The following MTUS2 variants were observed in gnomAD, a reference collection of about 807,000 sequenced individuals.
MTUS2 encodes the protein microtubule associated scaffold protein 2.
MTUS2 carries 40 observed loss-of-function variants against 114.1 expected under a neutral mutation model. The ratio of observed to expected loss-of-function variants is 0.35; its 90% CI spans 0.27 to 0.46. The LOEUF (loss-of-function observed/expected upper bound fraction) is 0.46, where lower values mean the gene tolerates loss of function less well. Ranked by LOEUF, MTUS2 falls within the 20% of genes least tolerant of loss-of-function variation. MTUS2 has a pLI of 1.00. For synonymous variants in MTUS2, 688 were observed against 672.0 expected (o/e 1.02, Z -0.37); for missense variants, 1,679 against 1,705.4 (o/e 0.98, Z 0.27).
intron 2 of MTUS2, among the ~76,000 whole-genome samples, chr13:28,944,236 A>G (rs1325957858): frequency 6.6e-6 from 1 of 152,106 alleles, no homozygotes; most frequent in African/African-American, 2.4e-5. Flanking sequence ...CATTTGAATT[A>G]TTGCTTTCTA....
chr13:29,155,839 T>G lies in MTUS2; in HGVS notation c.2644+54869T>G, dbSNP rs145068692. On this transcript the variant is annotated intron_variant, in intron 5 of 15. Transcript: ENST00000612955. ...ATACACACATGTCTCTGATTGTTAA[T>G]TATAATATCATTAACTTCTGCTTGT... Among the ~76,000 whole-genome samples the G allele has an allele frequency of 5.6e-3, 846 of 152,254 alleles. 13 individuals carry two copies. The highest frequency in any genetic ancestry group is 0.019 in the African/African-American group (806 of 41,556).
chr13:29,445,289 G>A (rs1165395729), intron 9 of MTUS2, among the ~76,000 whole-genome samples: 1 of 152,150 alleles, frequency 6.6e-6, no homozygotes. Flanking sequence ...TCAGCTGAGT[G>A]TCCAGTGATT....
chr13:29,367,315 G>A (rs1181787505), intron 8 of MTUS2, among the ~76,000 whole-genome samples: 1 of 152,116 alleles, frequency 6.6e-6, no homozygotes, highest in Non-Finnish European at 1.5e-5. Context: ...TGCAGTGTGG[G>A]GAGAGGGCAG....
At chr13:28,823,414 C>A (rs1048108719) in intron 1 of MTUS2, among the ~76,000 whole-genome samples, 3 of 152,200 alleles carry the variant, frequency 2.0e-5, no homozygotes, top group African/African-American at 7.2e-5. Flanking sequence ...CCCCTTTTCT[C>A]TGAAATGATT....
At chr13:29,035,077 G>T (rs1347308918) in intron 4 of MTUS2, among the ~76,000 whole-genome samples, 3 of 151,872 alleles carry the variant, frequency 2.0e-5, no homozygotes, top group Non-Finnish European at 4.4e-5. Flanking sequence ...ATTCTTCTGA[G>T]GCTGGCTCAT....
chr13:29,341,183 A>G (rs1901376030), intron 7 of MTUS2, among the ~76,000 whole-genome samples: 1 of 152,184 alleles, frequency 6.6e-6, no homozygotes, highest in South Asian at 2.1e-4. Flanking sequence ...GGATTGCTGG[A>G]TTAAATGGTA....
In MTUS2 at chr13:28,861,595, A is replaced by G. The variant is rs551314239; in HGVS notation, c.-243+21745A>G. Among the ~76,000 whole-genome samples, 4 of 152,276 alleles carry G rather than the reference A, an allele frequency of 2.6e-5. No individual in the cohort carries two copies. In the South Asian group the frequency reaches 8.3e-4, roughly 32 times the overall value. On this transcript the variant is annotated intron_variant, in intron 2 of 15. Coordinates refer to ENST00000612955, the MANE Select transcript of MTUS2 (RefSeq NM_001033602.4). ...CAATAGTTGCAGTTACTTTAAGGCCACAATGTAATCTTTGGGAATATTTGT... is the reference window on the plus strand; with the variant it reads ...CAATAGTTGCAGTTACTTTAAGGCCGCAATGTAATCTTTGGGAATATTTGT...
intron 5 of MTUS2, among the ~76,000 whole-genome samples, chr13:29,195,233 TAAAGTA>T (rs1180460067): frequency 8.5e-6 from 1 of 117,578 alleles, no homozygotes; most frequent in East Asian, 2.6e-4. Flanking sequence ...CCCTAAAACT[TAAAGTA>T]TAATAATAAT....
At chr13:29,113,400 C>G (rs1890958306) in intron 5 of MTUS2, among the ~76,000 whole-genome samples, 1 of 152,180 alleles carries the variant, frequency 6.6e-6, no homozygotes, top group South Asian at 2.1e-4. Context: ...GTCAAATTGC[C>G]AAGAAAGGCA....
chr13:29,031,289 A>G (rs1215087094), intron 3 of MTUS2, among the ~76,000 whole-genome samples: 19 of 47,656 alleles, frequency 4.0e-4, no homozygotes, highest in Admixed American at 1.5e-3. Flanking sequence ...TCACAGGTCT[A>G]TATTCATCTA....
At chr13:29,096,986 C>A (rs1890204713) in intron 4 of MTUS2, among the ~76,000 whole-genome samples, 1 of 152,102 alleles carries the variant, frequency 6.6e-6, no homozygotes, top group Non-Finnish European at 1.5e-5. Context: ...GTTCCCTGAC[C>A]TTTTGACCAC....
At chr13:28,822,302 G>C (rs1483870126) in intron 1 of MTUS2, among the ~76,000 whole-genome samples, 1 of 152,098 alleles carries the variant, frequency 6.6e-6, no homozygotes, top group Non-Finnish European at 1.5e-5. Context: ...CCCTGTTTGG[G>C]CTATTACATA....
intron 5 of MTUS2, among the ~76,000 whole-genome samples, chr13:29,246,609 A>G (rs3011467): frequency 0.018 from 2,789 of 152,324 alleles, 87 homozygotes; most frequent in African/African-American, 0.064. Flanking sequence ...TTTTCTCCCA[A>G]GATGTAGTTC....
intron 5 of MTUS2, among the ~76,000 whole-genome samples, chr13:29,214,127 C>T (rs1895575755): frequency 6.6e-6 from 1 of 150,890 alleles, no homozygotes; most frequent in Admixed American, 6.6e-5. Context: ...GGCATTTGTG[C>T]TATTGTGATT....
chr13:28,954,451 C>T (rs1397319498), intron 2 of MTUS2, among the ~76,000 whole-genome samples: 2 of 152,182 alleles, frequency 1.3e-5, no homozygotes, highest in South Asian at 2.1e-4. Context: ...TTTCTTCTCT[C>T]ATTAGTCCAT....
At chr13:28,991,350 TCA>T (rs1223186958) in intron 2 of MTUS2, among the ~76,000 whole-genome samples, 10 of 151,070 alleles carry the variant, frequency 6.6e-5, no homozygotes, top group Non-Finnish European at 1.3e-4. Flanking sequence ...GTTATGAAAC[TCA>T]GGTTTGTCTC....
chr13:29,136,996 T>A (rs538219844), intron 5 of MTUS2, among the ~76,000 whole-genome samples: 2 of 152,334 alleles, frequency 1.3e-5, no homozygotes, highest in East Asian at 3.9e-4. Context: ...TGCTGAAGAA[T>A]TGATTGGTTG....
intron 8 of MTUS2, among the ~76,000 whole-genome samples, chr13:29,390,820 T>C (rs1873388300): frequency 6.6e-6 from 1 of 151,106 alleles, no homozygotes; most frequent in Non-Finnish European, 1.5e-5. Flanking sequence ...TGTCGCTCTG[T>C]CACCCAGGCT....
Position 29,487,236 on chromosome 13 carries a change from C to T in MTUS2, c.3400-664C>T, listed in dbSNP as rs568422695. On this transcript the variant is annotated intron_variant, in intron 10 of 15. Transcript: ENST00000612955. Reference sequence around the variant, plus strand: ...ATTGGCGAGAGAATCCTAAGGTGTTCGTTGCTAGTCTTGCTTGGGGGAGGT... The same window carrying T: ...ATTGGCGAGAGAATCCTAAGGTGTTTGTTGCTAGTCTTGCTTGGGGGAGGT... Among the ~76,000 whole-genome samples the T allele has an allele frequency of 5.3e-5, 8 of 152,220 alleles. No homozygotes were observed. In the South Asian group the frequency reaches 6.2e-4, roughly 12 times the overall value.
Sources: gnomAD v4.1 joint callset for allele counts (sites outside exome capture counted in the v4.1 genomes callset) on GRCh38, gnomAD v4.1.1 for gene constraint, MANE v1.5 for transcripts, NCBI Gene and HGNC (gene_info 2026-07-23, HGNC 2026-07-21) for gene names.